The following RPL22 variants were observed in gnomAD, a reference collection of about 807,000 sequenced individuals.
RPL22 encodes large ribosomal subunit protein eL22.
A neutral mutation model predicts 16.2 loss-of-function variants in RPL22; 4 were observed. The observed-to-expected ratio is 0.25, with a 90% confidence interval of 0.12 to 0.57. The LOEUF (loss-of-function observed/expected upper bound fraction) is 0.57. RPL22 is among the 20% of genes least tolerant of loss of function. The pLI is 0.92. For synonymous variants in RPL22, 43 were observed against 54.8 expected (o/e 0.78, Z 0.95); for missense variants, 83 against 156.1 (o/e 0.53, Z 2.49).
intron 1 of RPL22, chr1:6,199,106 C>T (rs1667759109): frequency 5.6e-6 from 1 of 178,426 alleles, no homozygotes; most frequent in Non-Finnish European, 1.2e-5. Context: ...TCCTCAAACC[C>T]AGGCCTCCTC....
intron 2 of RPL22, 64 bp from the exon 3 acceptor site, chr1:6,193,118 T>G (rs1452548035): frequency 3.8e-6 from 6 of 1,588,710 alleles, no homozygotes; most frequent in Non-Finnish European, 5.2e-6. Context: ...GAATATTTTA[T>G]CTGTCTCCCA....
chr1:6,186,831 C>G lies in RPL22; in HGVS notation c.243-15G>C. 6.2e-7 allele frequency: 1 copy of G among 1,612,906 alleles called. No homozygotes were observed. The highest frequency in any genetic ancestry group is 2.2e-5 in the East Asian group (1 of 44,874). ...ATTTCAAATACCTGCAGAGAAAGGA[C>G]ACAAGAACTCCACTAGACAGTTGGT... On this transcript the variant is annotated splice_polypyrimidine_tract_variant and intron_variant, in intron 3 of 3. Transcript: ENST00000234875.
At chr1:6,191,073 A>G (rs1197422938) in intron 3 of RPL22, among the ~76,000 whole-genome samples, 1 of 151,778 alleles carries the variant, frequency 6.6e-6, no homozygotes, top group Non-Finnish European at 1.5e-5. Context: ...AAAATACAAT[A>G]ATTAGGCCGG....
chr1:6,195,446 C>CA (rs536240875), intron 2 of RPL22, among the ~76,000 whole-genome samples: 1,135 of 67,690 alleles, frequency 0.017, 9 homozygotes, highest in African/African-American at 0.041. Context: ...GACTCCGTCT[C>CA]AAAAAAAAAA....
At chr1:6,197,132 C>G (rs975032290) in intron 2 of RPL22, among the ~76,000 whole-genome samples, 1 of 152,234 alleles carries the variant, frequency 6.6e-6, no homozygotes, top group Non-Finnish European at 1.5e-5. Flanking sequence ...CGTGTTCACG[C>G]GATTCTTCTA....
intron 3 of RPL22, among the ~76,000 whole-genome samples, chr1:6,188,750 C>T (rs909992637): frequency 9.9e-5 from 15 of 152,004 alleles, no homozygotes; most frequent in Admixed American, 9.2e-4. Context: ...TCTCTTCAGA[C>T]CATAGCAAGG....
chr1:6,191,772 CG>C (rs1667654481), intron 3 of RPL22, among the ~76,000 whole-genome samples: 1 of 151,652 alleles, frequency 6.6e-6, no homozygotes, highest in African/African-American at 2.4e-5. Context: ...CTGAGGCAGA[CG>C]AATCACCTGA....
chr1:6,186,890 A>T (rs1667587897), intron 3 of RPL22, 74 bp from the exon 4 acceptor site: 1 of 1,585,678 alleles, frequency 6.3e-7, no homozygotes, highest in African/African-American at 1.4e-5. Context: ...CATTTATAAA[A>T]CCCAGCACTC....
intron 2 of RPL22, among the ~76,000 whole-genome samples, chr1:6,194,832 G>A (rs954124861): frequency 6.6e-6 from 1 of 152,172 alleles, no homozygotes; most frequent in African/African-American, 2.4e-5. Context: ...AGGCTGCAGT[G>A]AGCCAGGATC....
intron 3 of RPL22, among the ~76,000 whole-genome samples, chr1:6,188,375 C>A (rs996132365): frequency 3.9e-5 from 6 of 152,036 alleles, no homozygotes; most frequent in Non-Finnish European, 8.8e-5. Context: ...GGCTTTTGTG[C>A]CCAACACCCT....
At chr1:6,187,158 A>G (rs917344745) in intron 3 of RPL22, among the ~76,000 whole-genome samples, 1 of 151,944 alleles carries the variant, frequency 6.6e-6, no homozygotes, top group African/African-American at 2.4e-5. Flanking sequence ...AAATAAAAAA[A>G]TTAGCTGGGC....
chr1:6,193,265 C>T (rs1365961019), intron 2 of RPL22, among the ~76,000 whole-genome samples: 1 of 152,096 alleles, frequency 6.6e-6, no homozygotes, highest in African/African-American at 2.4e-5. Context: ...ACCTCAGCCT[C>T]TCAAAGTGCT....
At chr1:6,192,893 G>A (rs1225071791) in intron 3 of RPL22, 37 bp downstream of exon 3, 1 of 1,594,108 alleles carries the variant, frequency 6.3e-7, no homozygotes, top group African/African-American at 1.7e-5. Context: ...CTGGGCACTG[G>A]GTGCACGCAG....
intron 2 of RPL22, among the ~76,000 whole-genome samples, chr1:6,197,013 GTC>G (rs748652803): frequency 9.9e-5 from 15 of 151,996 alleles, no homozygotes; most frequent in African/African-American, 2.2e-4. Context: ...AGTGAAATTT[GTC>G]TGTTTCTCAG....
chr1:6,197,627 G>A (rs369645807), intron 2 of RPL22, 25 bp downstream of exon 2: 73 of 1,482,036 alleles, frequency 4.9e-5, no homozygotes, highest in Non-Finnish European at 6.4e-5. Flanking sequence ...GTGACCACCC[G>A]AGTGGCAATA....
rs982010574 is a variant in RPL22 at position 6,193,145 on chromosome 1, ATT to A, written c.118-93_118-92del. ...TGTCTCCCAACACTGAACTAATATCATTTTTTGTTTTGGTTTTGGAGACAGAG... is the reference window on the plus strand; with the variant it reads ...TGTCTCCCAACACTGAACTAATATCATTTTGTTTTGGTTTTGGAGACAGAG... On this transcript the variant is annotated intron_variant, in intron 2 of 3. Coordinates refer to ENST00000234875, the MANE Select transcript of RPL22 (RefSeq NM_000983.4). 2.7e-6 allele frequency: 4 copies of A among 1,500,364 alleles called. No individual in the cohort carries two copies. The African/African-American group carries it at 4.2e-5, about 16-fold the overall frequency. 92.9% of individuals were successfully genotyped at this position (1,500,364 alleles called of 1,614,324 possible).
At chr1:6,193,963 T>C (rs1474135043) in intron 2 of RPL22, among the ~76,000 whole-genome samples, 1 of 152,062 alleles carries the variant, frequency 6.6e-6, no homozygotes, top group African/African-American at 2.4e-5. Context: ...CCCAGCACTT[T>C]GAGAGGCTGA....
chr1:6,188,392 A>G (rs1667608481), intron 3 of RPL22, among the ~76,000 whole-genome samples: 1 of 152,148 alleles, frequency 6.6e-6, no homozygotes, highest in Non-Finnish European at 1.5e-5. Flanking sequence ...CCCTAACTAC[A>G]TAAAGATGAC....
At chr1:6,199,342 C>T in intron 1 of RPL22, 1 of 1,288,506 alleles carries the variant, frequency 7.8e-7, no homozygotes, top group Non-Finnish European at 9.9e-7. Flanking sequence ...CCCGGGCCTC[C>T]GAGACCTCCC....
Sources: gnomAD v4.1 joint callset for allele counts (sites outside exome capture counted in the v4.1 genomes callset) on GRCh38, gnomAD v4.1.1 for gene constraint, MANE v1.5 for transcripts, NCBI Gene and HGNC (gene_info 2026-07-23, HGNC 2026-07-21) for gene names.